HDAC9: variants seen among roughly 807,000 people sequenced by gnomAD.
HDAC9 encodes the protein histone deacetylase 9.
A neutral mutation model predicts 139.4 loss-of-function variants in HDAC9; 41 were observed. The observed-to-expected ratio is 0.29, with a 90% confidence interval of 0.23 to 0.38. The LOEUF (loss-of-function observed/expected upper bound fraction) is 0.38. Among genes scored for constraint, HDAC9 ranks in the 10% least tolerant of loss-of-function variants. The probability of loss-of-function intolerance (pLI) is 1.00; values close to 1 mark genes in which losing one functional copy is unlikely to be tolerated. For missense variants in HDAC9, 1,147 were observed against 1,297.0 expected, an observed-to-expected ratio of 0.88 and a Z score of 1.78; for synonymous variants, 517 against 476.2, an observed-to-expected ratio of 1.09 and a Z score of -1.12.
rs551758211 is a variant in HDAC9, at chr7:18,280,455, G to A, written c.25+118106G>A. The stretch of plus-strand genomic sequence containing the variant: ...ATACAAAAATTAGCTGGGCATGATG[G>A]TGTGTGCCTGTAATCCCAGCTACTC... On this transcript the variant is annotated intron_variant, in intron 2 of 12. Transcript: ENST00000417496. Among the ~76,000 whole-genome samples, 12 of 152,216 alleles carry A rather than the reference G, an allele frequency of 7.9e-5. No homozygotes were observed. In the East Asian group the frequency reaches 2.1e-3, roughly 27 times the overall value.
chr7:18,870,289 C>G (rs1170913544), intron 21 of HDAC9, among the ~76,000 whole-genome samples: 1 of 152,174 alleles, frequency 6.6e-6, no homozygotes. Context: ...CCTCCTCAAT[C>G]TCCTCCAATC....
At chr7:18,850,417 T>A (rs1225252362) in intron 21 of HDAC9, among the ~76,000 whole-genome samples, 3 of 152,154 alleles carry the variant, frequency 2.0e-5, no homozygotes, top group African/African-American at 7.2e-5. Context: ...AATGAAAGCG[T>A]AGGGGAGGAT....
At chr7:18,144,426 G>C (rs562256434) in intron 1 of HDAC9, among the ~76,000 whole-genome samples, 1 of 152,124 alleles carries the variant, frequency 6.6e-6, no homozygotes, top group African/African-American at 2.4e-5. Context: ...TTTTGGCCCT[G>C]TGGGTCCTAC....
chr7:18,145,314 A>G (rs1457969745), intron 1 of HDAC9, among the ~76,000 whole-genome samples: 1 of 152,080 alleles, frequency 6.6e-6, no homozygotes, highest in Admixed American at 6.5e-5. Context: ...AGATAATCTC[A>G]TGGAGATAAT....
chr7:18,864,416 ATG>A (rs1277440904), intron 21 of HDAC9, among the ~76,000 whole-genome samples: 1 of 152,076 alleles, frequency 6.6e-6, no homozygotes, highest in Non-Finnish European at 1.5e-5. Flanking sequence ...AGTTTCAGTT[ATG>A]TAGGATGATG....
intron 2 of HDAC9, among the ~76,000 whole-genome samples, chr7:18,209,936 G>C (rs562685647): frequency 6.6e-6 from 1 of 151,932 alleles, no homozygotes; most frequent in Admixed American, 6.6e-5. Context: ...TCCTGACCTC[G>C]TGATCCGCCC....
At chr7:18,687,850 G>T (rs1041988364) in intron 12 of HDAC9, among the ~76,000 whole-genome samples, 2 of 151,826 alleles carry the variant, frequency 1.3e-5, no homozygotes, top group Admixed American at 1.3e-4. Flanking sequence ...ATATTGAGGT[G>T]TGGTCTCTTA....
intron 23 of HDAC9, among the ~76,000 whole-genome samples, chr7:18,953,797 A>T (rs1782966065): frequency 6.6e-6 from 1 of 152,056 alleles, no homozygotes; most frequent in African/African-American, 2.4e-5. Flanking sequence ...TTTTGTTTGC[A>T]GGGCCCAGCT....
intron 16 of HDAC9, among the ~76,000 whole-genome samples, chr7:18,776,284 A>C (rs866935557): frequency 2.6e-5 from 4 of 152,080 alleles, no homozygotes; most frequent in South Asian, 4.1e-4. Flanking sequence ...ATCCAGCATC[A>C]ATCCACAACT....
At chr7:18,599,980 T>TG (rs1472402113) in intron 6 of HDAC9, among the ~76,000 whole-genome samples, 1 of 151,810 alleles carries the variant, frequency 6.6e-6, no homozygotes, top group Non-Finnish European at 1.5e-5. Flanking sequence ...TTAAGTTTTT[T>TG]TTTTTTAATT....
intron 17 of HDAC9, among the ~76,000 whole-genome samples, chr7:18,804,471 T>C (rs1206322121): frequency 6.6e-6 from 1 of 152,182 alleles, no homozygotes; most frequent in African/African-American, 2.4e-5. Flanking sequence ...GGCATAAGGA[T>C]AGCAACGGTG....
chr7:18,499,002 T>TTATTTTGTTA lies in HDAC9; in HGVS notation c.22+2679_22+2688dup. ...CTTAGTTATCTTATAAATCAACTAT[T>TTATTTTGTTA]TATTTTGTTACCTTGGTTTGATAAG... On this transcript the variant is annotated intron_variant, in intron 2 of 25. Coordinates refer to ENST00000686413, the MANE Select transcript of HDAC9 (RefSeq NM_178425.4). Among the ~76,000 whole-genome samples, 2 of 152,138 alleles carry TTATTTTGTTA rather than the reference T, an allele frequency of 1.3e-5. 1 individual carries two copies. The highest frequency in any genetic ancestry group is 4.1e-4 in the South Asian group (2 of 4,820).
intron 1 of HDAC9, among the ~76,000 whole-genome samples, chr7:18,382,105 G>C (rs763714296): frequency 2.6e-4 from 39 of 151,788 alleles, no homozygotes; most frequent in Admixed American, 3.9e-4. Context: ...TAGACCAAAG[G>C]AGAAAACCTA....
intron 2 of HDAC9, among the ~76,000 whole-genome samples, chr7:18,264,630 C>A (rs1295760836): frequency 6.6e-6 from 1 of 152,122 alleles, no homozygotes; most frequent in African/African-American, 2.4e-5. Context: ...CATTAAAAGG[C>A]TAACAATTAA....
chr7:18,409,519 ATTCCC>A (rs1322834959), intron 1 of HDAC9, among the ~76,000 whole-genome samples: 1 of 152,176 alleles, frequency 6.6e-6, no homozygotes, highest in Admixed American at 6.5e-5. Context: ...CACCCTCTGC[ATTCCC>A]TTCCCAACCC....
At chr7:18,502,865 T>C (rs1216967187) in intron 2 of HDAC9, among the ~76,000 whole-genome samples, 1 of 152,158 alleles carries the variant, frequency 6.6e-6, no homozygotes. Context: ...GAATAGAGTA[T>C]TCCTTTAATG....
At chr7:18,906,383 G>A (rs1361254428) in intron 22 of HDAC9, among the ~76,000 whole-genome samples, 1 of 152,108 alleles carries the variant, frequency 6.6e-6, no homozygotes, top group Non-Finnish European at 1.5e-5. Context: ...TACCTCAGGT[G>A]ATCCACCTGC....
At chr7:18,257,594 T>C (rs1326498852) in intron 2 of HDAC9, among the ~76,000 whole-genome samples, 15 of 152,144 alleles carry the variant, frequency 9.9e-5, no homozygotes, top group Admixed American at 7.2e-4. Context: ...AGGAGGTTTA[T>C]AAGATTGGCA....
chr7:18,790,496 C>A (rs1792206566), intron 16 of HDAC9, among the ~76,000 whole-genome samples: 1 of 152,150 alleles, frequency 6.6e-6, no homozygotes. Flanking sequence ...TTATCTTGAA[C>A]TTCAAAGCCT....
Sources: allele counts gnomAD v4.1 joint callset (sites outside exome capture counted in the v4.1 genomes callset), GRCh38; gene constraint gnomAD v4.1.1; transcripts MANE v1.5; gene names NCBI Gene and HGNC (gene_info 2026-07-23, HGNC 2026-07-21).